NOL4: variants seen among roughly 807,000 people sequenced by gnomAD.
The protein encoded by NOL4 is nucleolar protein 4, also known as cancer/testis antigen 125.
A neutral mutation model predicts 75.9 loss-of-function variants in NOL4; 17 were observed. The observed-to-expected ratio is 0.22, with a 90% CI of 0.15 to 0.34. NOL4 has a LOEUF of 0.34. Ranked by LOEUF, NOL4 falls within the 10% of genes least tolerant of loss-of-function variation. NOL4 has a pLI of 1.00. For missense variants in NOL4, 614 were observed against 793.5 expected (o/e 0.77, Z 2.72); for synonymous variants, 292 against 289.9 (o/e 1.01, Z -0.07).
chr18:34,137,785 C>T (rs996759941), intron 1 of NOL4, among the ~76,000 whole-genome samples: 4 of 151,084 alleles, frequency 2.6e-5, no homozygotes, highest in East Asian at 1.9e-4. Flanking sequence ...GAAATACACA[C>T]ACACACACAC....
chr18:34,198,716 T>A (rs948222304), intron 1 of NOL4, among the ~76,000 whole-genome samples: 1 of 151,886 alleles, frequency 6.6e-6, no homozygotes, highest in Non-Finnish European at 1.5e-5. Flanking sequence ...TTAAATCTTG[T>A]ACTTTTTTAG....
intron 6 of NOL4, among the ~76,000 whole-genome samples, chr18:34,009,656 T>G (rs2074257824): frequency 6.6e-6 from 1 of 151,894 alleles, no homozygotes; most frequent in Non-Finnish European, 1.5e-5. Context: ...AGCTGATAAG[T>G]GTGCTTCCTG....
intron 5 of NOL4, among the ~76,000 whole-genome samples, chr18:34,021,784 A>G (rs1600280806): frequency 6.6e-6 from 1 of 152,152 alleles, no homozygotes; most frequent in African/African-American, 2.4e-5. Flanking sequence ...GTAATGGAAT[A>G]GGCAAGAGTC....
intron 1 of NOL4, among the ~76,000 whole-genome samples, chr18:34,212,129 T>C (rs1205385729): frequency 6.6e-6 from 1 of 152,156 alleles, no homozygotes; most frequent in Non-Finnish European, 1.5e-5. Context: ...GTAAGCTACC[T>C]TGTATTCTAC....
intron 6 of NOL4, among the ~76,000 whole-genome samples, chr18:33,973,013 C>T (rs1474875315): frequency 6.6e-6 from 1 of 152,142 alleles, no homozygotes; most frequent in Non-Finnish European, 1.5e-5. Flanking sequence ...TCCTTTCATT[C>T]AAGATTTCTC....
rs118079274 is a variant in NOL4 at position 34,035,625 on chromosome 18, A to G, written c.773-16024T>C. 3.2e-3 allele frequency among the ~76,000 whole-genome samples: 481 copies of G among 152,170 alleles called. 3 individuals carry two copies. The highest frequency in any genetic ancestry group is 5.5e-3 in the Non-Finnish European group (375 of 67,960). On this transcript the variant is annotated intron_variant, in intron 5 of 10. Transcript: ENST00000261592. Reference sequence around the variant, plus strand: ...AAGCCCAAAAACAGCAAAAGGAAAAAAAAATAATGATTAAAGCAGAACTAA... The same window carrying G: ...AAGCCCAAAAACAGCAAAAGGAAAAGAAAATAATGATTAAAGCAGAACTAA...
chr18:33,966,033 GTGAT>G (rs1316147693), intron 6 of NOL4, among the ~76,000 whole-genome samples: 1 of 151,900 alleles, frequency 6.6e-6, no homozygotes, highest in Non-Finnish European at 1.5e-5. Flanking sequence ...TATAAATGTT[GTGAT>G]TGATTTTATA....
intron 6 of NOL4, among the ~76,000 whole-genome samples, chr18:34,002,901 A>G (rs2073813390): frequency 6.6e-6 from 1 of 152,116 alleles, no homozygotes; most frequent in Non-Finnish European, 1.5e-5. Flanking sequence ...TGAAGTGACC[A>G]TGATTTACAT....
At chr18:33,928,175 C>G (rs1568076132) in intron 9 of NOL4, among the ~76,000 whole-genome samples, 1 of 152,114 alleles carries the variant, frequency 6.6e-6, no homozygotes, top group Non-Finnish European at 1.5e-5. Context: ...ATAACATTAA[C>G]AAAGATGTTG....
At chr18:34,110,702 A>G (rs373780860) in intron 2 of NOL4, among the ~76,000 whole-genome samples, 6 of 152,248 alleles carry the variant, frequency 3.9e-5, no homozygotes, top group Admixed American at 6.5e-5. Context: ...AAAGTTAGAA[A>G]AAGATAAGCC....
chr18:33,959,925 T>G (rs1164870471), intron 6 of NOL4, among the ~76,000 whole-genome samples: 1 of 151,088 alleles, frequency 6.6e-6, no homozygotes. Context: ...GATATGAAGT[T>G]TTTCTTTCTA....
chr18:34,201,698 A>G (rs2146488291), intron 1 of NOL4, among the ~76,000 whole-genome samples: 1 of 151,980 alleles, frequency 6.6e-6, no homozygotes, highest in South Asian at 2.1e-4. Flanking sequence ...AGTTCCACAG[A>G]TTTCACATGA....
chr18:34,165,990 A>T (rs2032285732), intron 1 of NOL4, among the ~76,000 whole-genome samples: 1 of 152,126 alleles, frequency 6.6e-6, no homozygotes, highest in Admixed American at 6.5e-5. Flanking sequence ...AGCCAATAGA[A>T]TAAAAATTTA....
At chr18:33,886,785 CTATAGATATATCTATATACGTA>C (rs1189927520) in intron 9 of NOL4, among the ~76,000 whole-genome samples, 52 of 139,148 alleles carry the variant, frequency 3.7e-4, no homozygotes, top group African/African-American at 1.1e-3. Flanking sequence ...ATATATATAT[CTATAGATATATCTATATACGTA>C]TATAGATATA....
At chr18:34,142,060 GCCAA>G (rs1245038525) in intron 1 of NOL4, among the ~76,000 whole-genome samples, 2 of 152,126 alleles carry the variant, frequency 1.3e-5, no homozygotes, top group East Asian at 3.8e-4. Context: ...CATTTTTGCA[GCCAA>G]CAGACACATG....
At chr18:34,150,584 T>C (rs2081598873) in intron 1 of NOL4, among the ~76,000 whole-genome samples, 1 of 151,564 alleles carries the variant, frequency 6.6e-6, no homozygotes, top group Non-Finnish European at 1.5e-5. Flanking sequence ...AAAAGAAAAC[T>C]GAAAATGAAT....
At position 33,854,291 on chromosome 18, in the gene NOL4, G is replaced by C. The variant is rs1031965941; in HGVS notation, c.1724-1256C>G. Among the ~76,000 whole-genome samples the C allele has an allele frequency of 1.3e-5, 2 of 152,186 alleles. 1 individual carries two copies. Among genetic ancestry groups the C allele is most frequent in the South Asian group, 4.1e-4 (2 of 4,824 alleles). On this transcript the variant is annotated intron_variant, in intron 10 of 10. Coordinates refer to ENST00000261592, the MANE Select transcript of NOL4 (RefSeq NM_003787.5). ...CAGAGGAGACAGATGTCCCATGAGA[G>C]GGAAATAGCTTCACTTGAATTTAAT...
chr18:34,070,524 A>G (rs1283901871), intron 5 of NOL4, among the ~76,000 whole-genome samples: 1 of 151,346 alleles, frequency 6.6e-6, no homozygotes. Flanking sequence ...GACTGCACAT[A>G]AACAACTTAA....
intron 9 of NOL4, among the ~76,000 whole-genome samples, chr18:33,887,789 T>TG (rs2064848875): frequency 6.6e-6 from 1 of 152,180 alleles, no homozygotes; most frequent in African/African-American, 2.4e-5. Context: ...ATGGTGTATA[T>TG]GTGCCACATT....
Sources: gnomAD v4.1 joint callset for allele counts (sites outside exome capture counted in the v4.1 genomes callset) on GRCh38, gnomAD v4.1.1 for gene constraint, MANE v1.5 for transcripts, NCBI Gene and HGNC (gene_info 2026-07-23, HGNC 2026-07-21) for gene names.